LYPD6B: variants seen among roughly 807,000 people sequenced by gnomAD.
LYPD6B encodes the protein LY6/PLAUR domain containing 6B.
A neutral mutation model predicts 22.8 loss-of-function variants in LYPD6B; 17 were observed. That is an observed-to-expected ratio of 0.75 (90% CI 0.51 to 1.12). LYPD6B has a LOEUF of 1.12. LYPD6B is among the 50% of genes most tolerant of loss of function. LYPD6B has a pLI of 0.00. For missense variants in LYPD6B, 221 were observed against 258.3 expected, an observed-to-expected ratio of 0.86 and a Z score of 0.99; for synonymous variants, 106 against 91.6, an observed-to-expected ratio of 1.16 and a Z score of -0.90.
intron 1 of LYPD6B, among the ~76,000 whole-genome samples, chr2:149,118,841 A>G (rs1055172984): frequency 1.2e-4 from 19 of 152,210 alleles, no homozygotes; most frequent in African/African-American, 3.9e-4. Context: ...TGGTTAATCT[A>G]CTGCCTCTCA....
chr2:149,082,280 G>T (rs1685172289), intron 1 of LYPD6B, among the ~76,000 whole-genome samples: 1 of 152,172 alleles, frequency 6.6e-6, no homozygotes, highest in South Asian at 2.1e-4. Flanking sequence ...GCCGATTAGG[G>T]AGGCCCTGGG....
intron 3 of LYPD6B, among the ~76,000 whole-genome samples, chr2:149,164,653 C>T (rs975500795): frequency 6.6e-6 from 1 of 152,176 alleles, no homozygotes; most frequent in African/African-American, 2.4e-5. Flanking sequence ...TCTAACTTGG[C>T]ACCCTACCTT....
chr2:149,201,931 G>T (rs181971414), intron 3 of LYPD6B, among the ~76,000 whole-genome samples: 42 of 152,236 alleles, frequency 2.8e-4, no homozygotes, highest in Admixed American at 2.7e-3. Flanking sequence ...TACATATGTT[G>T]CTGCTAAACC....
At chr2:149,053,925 A>G (rs946976709) in intron 1 of LYPD6B, among the ~76,000 whole-genome samples, 1 of 142,676 alleles carries the variant, frequency 7.0e-6, no homozygotes, top group Admixed American at 7.0e-5. Flanking sequence ...TTATAACATA[A>G]GCCAGTACTT....
intron 1 of LYPD6B, among the ~76,000 whole-genome samples, chr2:149,096,539 A>G (rs544958660): frequency 2.6e-5 from 4 of 152,334 alleles, no homozygotes; most frequent in Admixed American, 2.0e-4. Context: ...CACATTAATC[A>G]TTACTTAATA....
chr2:149,208,997 A>G (rs1693676781), intron 5 of LYPD6B, among the ~76,000 whole-genome samples: 1 of 152,172 alleles, frequency 6.6e-6, no homozygotes, highest in African/African-American at 2.4e-5. Flanking sequence ...CATACTGGAA[A>G]GAGGGAATCG....
intron 5 of LYPD6B, among the ~76,000 whole-genome samples, chr2:149,212,398 A>AAAAAAAAC: frequency 6.6e-6 from 1 of 150,686 alleles, no homozygotes; most frequent in African/African-American, 2.4e-5. Flanking sequence ...AAAAAAAAAA[A>AAAAAAAAC]AAAAAAGAAA....
intron 2 of LYPD6B, among the ~76,000 whole-genome samples, chr2:149,146,222 A>G (rs116280867): frequency 2.0e-3 from 307 of 152,268 alleles, no homozygotes; most frequent in African/African-American, 7.1e-3. Context: ...CTCATGGGGG[A>G]ATGAAGAGTG....
At chr2:149,073,485 G>A (rs1032035) in intron 1 of LYPD6B, among the ~76,000 whole-genome samples, 67,814 of 151,894 alleles carry the variant, frequency 0.45, 15,986 homozygotes, top group East Asian at 0.78. Context: ...TGTTCTTGCT[G>A]TCTTCCTGTC....
intron 2 of LYPD6B, among the ~76,000 whole-genome samples, chr2:149,153,293 G>T (rs1190489184): frequency 6.6e-6 from 1 of 152,168 alleles, no homozygotes; most frequent in African/African-American, 2.4e-5. Context: ...ATGGAGGACG[G>T]CAGTGGAAAA....
At position 149,214,731 on chromosome 2, in the gene LYPD6B, G is replaced by A. The variant is rs552669097; in HGVS notation, c.*21G>A. ...TGTGATGCCACCATTCCTAGGAGAG[G>A]CAGAGACCAGCCTCTAAAGCACAAG... is the stretch of plus-strand genomic sequence containing the variant. On this transcript the variant is annotated 3_prime_UTR_variant, in exon 7 of 7. Transcript: ENST00000409642. 1 of 1,613,150 alleles carries A rather than the reference G, an allele frequency of 6.2e-7. No individual in the cohort carries two copies. The highest frequency in any genetic ancestry group is 8.5e-7 in the Non-Finnish European group (1 of 1,179,248).
chr2:149,199,609 A>C (rs1395659152), intron 3 of LYPD6B, among the ~76,000 whole-genome samples: 1 of 152,222 alleles, frequency 6.6e-6, no homozygotes, highest in Non-Finnish European at 1.5e-5. Context: ...TGCTCTATAG[A>C]GATCTAATCG....
chr2:149,149,007 T>C (rs1575066489), intron 2 of LYPD6B, among the ~76,000 whole-genome samples: 1 of 152,190 alleles, frequency 6.6e-6, no homozygotes, highest in East Asian at 1.9e-4. Flanking sequence ...CCCAGGGAAC[T>C]AACCGAAGCA....
intron 3 of LYPD6B, among the ~76,000 whole-genome samples, chr2:149,182,124 A>G (rs529224987): frequency 5.3e-5 from 8 of 152,302 alleles, no homozygotes; most frequent in Non-Finnish European, 1.0e-4. Context: ...GTGTGAATGC[A>G]TTTCATCTAA....
chr2:149,208,479 T>C, intron 5 of LYPD6B, 67 bp downstream of exon 5: 1 of 1,249,402 alleles, frequency 8.0e-7, no homozygotes, highest in Non-Finnish European at 1.2e-6. Flanking sequence ...GACTTGATGA[T>C]GTTCTTTAGG....
At chr2:149,077,122 C>T (rs544513810) in intron 1 of LYPD6B, among the ~76,000 whole-genome samples, 4 of 152,304 alleles carry the variant, frequency 2.6e-5, no homozygotes, top group South Asian at 2.1e-4. Context: ...TGGCCATGGA[C>T]GACTTGGTGA....
Position 149,212,100 on chromosome 2 carries a change from G to C in LYPD6B, c.329-892G>C, listed in dbSNP as rs144063832. ...TAGAAATTATTAGGTTGGTGCAGCC[G>C]GGCGCGGTGGCTCACGCCTGTAATC... On this transcript the variant is annotated intron_variant, in intron 5 of 6. Transcript: ENST00000409642. Among the ~76,000 whole-genome samples the C allele has an allele frequency of 6.6e-3, 1,008 of 151,650 alleles. 18 individuals carry two copies. The highest frequency in any genetic ancestry group is 0.024 in the African/African-American group (973 of 41,358).
chr2:149,067,329 CT>C lies in LYPD6B; in HGVS notation c.-67+28530del, dbSNP rs1211113838. Reference sequence around the variant, plus strand: ...TATTTTATATTTATTCATTATGATCCTTAATAAATATTTTAATCTTTGAATG... The same window carrying C: ...TATTTTATATTTATTCATTATGATCCTAATAAATATTTTAATCTTTGAATG... On this transcript the variant is annotated intron_variant, in intron 1 of 6. Transcript: ENST00000409642. Among the ~76,000 whole-genome samples, 4 of 151,904 alleles carry C rather than the reference CT, an allele frequency of 2.6e-5. No individual in the cohort carries two copies. The East Asian group carries it at 7.7e-4, about 29-fold the overall frequency.
At chr2:149,150,658 A>AT (rs1449536613) in intron 2 of LYPD6B, among the ~76,000 whole-genome samples, 11 of 151,996 alleles carry the variant, frequency 7.2e-5, no homozygotes, top group East Asian at 1.9e-4. Flanking sequence ...ATGTACATGT[A>AT]TTTTTTCATT....
Sources: allele counts gnomAD v4.1 joint callset (sites outside exome capture counted in the v4.1 genomes callset), GRCh38; gene constraint gnomAD v4.1.1; transcripts MANE v1.5; gene names NCBI Gene and HGNC (gene_info 2026-07-23, HGNC 2026-07-21).